The following SLC25A48 variants were observed in gnomAD, a reference collection of about 807,000 sequenced individuals.
SLC25A48 encodes CTC-321K16.1.
SLC25A48 carries 29 observed loss-of-function variants against 32.2 expected under a neutral mutation model. That is an observed-to-expected ratio of 0.90 (90% CI 0.67 to 1.23). The LOEUF (loss-of-function observed/expected upper bound fraction) is 1.23, where lower values mean the gene tolerates loss of function less well. Among genes scored for constraint, SLC25A48 ranks in the 50% most tolerant of loss-of-function variants. The pLI, the probability that SLC25A48 is intolerant of heterozygous loss-of-function variation, is 0.00. For missense variants in SLC25A48, 399 were observed against 422.7 expected, an observed-to-expected ratio of 0.94 and a Z score of 0.49; for synonymous variants, 164 against 172.3, an observed-to-expected ratio of 0.95 and a Z score of 0.38.
At chr5:135,845,298 A>G (rs1373180583) in intron 2 of SLC25A48, among the ~76,000 whole-genome samples, 1 of 152,150 alleles carries the variant, frequency 6.6e-6, no homozygotes, top group Non-Finnish European at 1.5e-5. Context: ...CTTCCTAAGG[A>G]CACTAGCCAT....
chr5:135,842,268 C>T lies in SLC25A48; in HGVS notation c.47-148C>T, dbSNP rs984778770. On this transcript the variant is annotated intron_variant, in intron 1 of 7. Coordinates refer to ENST00000681962, the MANE Select transcript of SLC25A48 (RefSeq NM_001349336.2). ...TCTCTGCCTTCCTTGGTGCATGGGC[C>T]AGTGCCTAGCACATTGGAGCCCACC... The T allele has an allele frequency of 8.0e-6, 6 of 751,388 alleles. No homozygotes were observed. In the African/African-American group the frequency reaches 1.0e-4, roughly 13 times the overall value. 46.5% of individuals were successfully genotyped at this position (751,388 alleles called of 1,614,324 possible).
chr5:135,765,592 G>A (rs1296533108), intron 3 of SLC25A48, among the ~76,000 whole-genome samples: 1 of 151,242 alleles, frequency 6.6e-6, no homozygotes, highest in Admixed American at 6.6e-5. Context: ...TGTATCACAA[G>A]GACTGTACAC....
chr5:135,886,637 A>ATATAT lies in SLC25A48; in HGVS notation c.*8-1395_*8-1394insTATAT, dbSNP rs55911526. 8.1e-3 allele frequency among the ~76,000 whole-genome samples: 311 copies of ATATAT among 38,462 alleles called. 34 individuals carry two copies. Among genetic ancestry groups the ATATAT allele is most frequent in the Non-Finnish European group, 9.0e-3 (204 of 22,568 alleles). The allele number at this position is 38,462 out of a possible 152,430, so 25.2% of individuals were successfully genotyped here. On this transcript the variant is annotated intron_variant, in intron 7 of 7. Coordinates refer to ENST00000681962, the MANE Select transcript of SLC25A48 (RefSeq NM_001349336.2). ...TATATATATATATATATATATATAT[A>ATATAT]AAATATATATATGTGTGTGTGTGTG...
chr5:135,840,799 G>T (rs913054755), intron 1 of SLC25A48, among the ~76,000 whole-genome samples: 5 of 152,210 alleles, frequency 3.3e-5, no homozygotes, highest in Non-Finnish European at 7.4e-5. Context: ...CCCACATTTT[G>T]TTTATTCATA....
At chr5:135,759,647 G>C (rs1354763566) in intron 3 of SLC25A48, among the ~76,000 whole-genome samples, 1 of 151,920 alleles carries the variant, frequency 6.6e-6, no homozygotes, top group African/African-American at 2.4e-5. Context: ...TAGGGCCCTT[G>C]GTCCTCACAA....
chr5:135,884,999 C>T (rs540363923), intron 7 of SLC25A48, among the ~76,000 whole-genome samples: 22 of 152,230 alleles, frequency 1.4e-4, no homozygotes, highest in South Asian at 6.2e-4. Flanking sequence ...ATACCTGAGC[C>T]CCAGCTCAGG....
chr5:135,884,176 C>T (rs114508024), intron 7 of SLC25A48, among the ~76,000 whole-genome samples: 263 of 152,304 alleles, frequency 1.7e-3, no homozygotes, highest in East Asian at 0.01. Flanking sequence ...TTCTCCACTA[C>T]GCTGTTCCCC....
chr5:135,680,926 T>C (rs1294136373), intron 3 of SLC25A48, among the ~76,000 whole-genome samples: 6 of 152,192 alleles, frequency 3.9e-5, no homozygotes, highest in Non-Finnish European at 8.8e-5. Flanking sequence ...TCACAGCCCA[T>C]TGATTTTCCC....
In SLC25A48 at chr5:135,888,048, G is replaced by A. The variant is rs1762798517; in HGVS notation, c.*24G>A. 6.4e-7 allele frequency: 1 copy of A among 1,551,670 alleles called. No individual in the cohort carries two copies. The highest frequency in any genetic ancestry group is 1.4e-5 in the African/African-American group (1 of 73,182). ...TGTTTCCAGGAGGTGAACACAGGAT[G>A]ACTACAGTGTTCCCTGGGCCTCATC... On this transcript the variant is annotated 3_prime_UTR_variant, in exon 8 of 8. Coordinates refer to ENST00000681962, the MANE Select transcript of SLC25A48 (RefSeq NM_001349336.2).
intron 3 of SLC25A48, among the ~76,000 whole-genome samples, chr5:135,731,748 T>TA (rs1755229523): frequency 6.6e-6 from 1 of 152,122 alleles, no homozygotes; most frequent in Non-Finnish European, 1.5e-5. Context: ...GCCATCCAAT[T>TA]AGAGAGTGCC....
At chr5:135,610,311 A>G (rs1752036804) in intron 1 of SLC25A48, among the ~76,000 whole-genome samples, 1 of 152,200 alleles carries the variant, frequency 6.6e-6, no homozygotes, top group Admixed American at 6.5e-5. Flanking sequence ...GGCTTGAAAA[A>G]TCACAGCCCC....
intron 4 of SLC25A48, among the ~76,000 whole-genome samples, chr5:135,865,425 G>A (rs1761111366): frequency 1.3e-5 from 2 of 152,194 alleles, no homozygotes; most frequent in Non-Finnish European, 1.5e-5. Flanking sequence ...AGGATGTACA[G>A]CCATGTTACT....
intron 3 of SLC25A48, among the ~76,000 whole-genome samples, chr5:135,707,534 C>T (rs1039118516): frequency 1.3e-5 from 2 of 152,118 alleles, no homozygotes; most frequent in African/African-American, 2.4e-5. Context: ...GCCCTTGGGT[C>T]CCCGCAGCCC....
chr5:135,592,961 A>G (rs1751561214), intron 1 of SLC25A48, among the ~76,000 whole-genome samples: 1 of 152,188 alleles, frequency 6.6e-6, no homozygotes, highest in Non-Finnish European at 1.5e-5. Flanking sequence ...TCTATAACTT[A>G]TATGAATATC....
Position 135,880,761 on chromosome 5 carries a change from TC to T in SLC25A48, c.*7+665del, listed in dbSNP as rs372003648. 3.9e-4 allele frequency among the ~76,000 whole-genome samples: 60 copies of T among 152,260 alleles called. No homozygotes were observed. In the East Asian group the frequency reaches 0.011, roughly 27 times the overall value. ...ACTGTTCTGAATGTCCCGCCGTCTC[TC>T]TCACCCCTAGGTCTTTGCTCAGGCT... On this transcript the variant is annotated intron_variant, in intron 7 of 7. Transcript: ENST00000681962.
chr5:135,874,783 G>T, intron 6 of SLC25A48: 1 of 666,762 alleles, frequency 1.5e-6, no homozygotes, highest in South Asian at 1.6e-5. Flanking sequence ...GGATAGACCA[G>T]ACTTCCATGT....
At chr5:135,869,059 A>G (rs932023377) in intron 4 of SLC25A48, among the ~76,000 whole-genome samples, 2 of 152,082 alleles carry the variant, frequency 1.3e-5, no homozygotes, top group African/African-American at 4.8e-5. Context: ...TAAGCAAATG[A>G]GCTTATTTGC....
intron 3 of SLC25A48, among the ~76,000 whole-genome samples, chr5:135,749,037 A>T (rs1007257877): frequency 2.6e-5 from 4 of 152,250 alleles, no homozygotes; most frequent in African/African-American, 7.2e-5. Context: ...TGGCTGAGAC[A>T]GGTCCATTTT....
At position 135,709,480 on chromosome 5, in the gene SLC25A48, C is replaced by T. The variant is rs115629984; in HGVS notation, c.-521+74524C>T. On this transcript the variant is annotated intron_variant, in intron 3 of 10. Transcript: ENST00000646290. The stretch of plus-strand genomic sequence containing the variant: ...AGCCTGATACAAATCTAAATTCTTA[C>T]ACCCCACCCCAAAGGTTCGGACTCA... Among the ~76,000 whole-genome samples, 364 of 152,340 alleles carry T rather than the reference C, an allele frequency of 2.4e-3. 2 individuals carry two copies. Among genetic ancestry groups the T allele is most frequent in the African/African-American group, 8.3e-3 (347 of 41,578 alleles).
Sources: allele counts gnomAD v4.1 joint callset (sites outside exome capture counted in the v4.1 genomes callset), GRCh38; gene constraint gnomAD v4.1.1; transcripts MANE v1.5; gene names NCBI Gene and HGNC (gene_info 2026-07-23, HGNC 2026-07-21).